Variants in ADGRL3 observed in about 807,000 individuals in gnomAD.
The protein encoded by ADGRL3 is calcium-independent alpha-latrotoxin receptor 3.
ADGRL3 carries 62 observed loss-of-function variants against 153.5 expected under a neutral mutation model. The observed-to-expected ratio is 0.40, with a 90% CI of 0.33 to 0.50. The LOEUF (loss-of-function observed/expected upper bound fraction) is 0.50, where lower values mean the gene tolerates loss of function less well. Ranked by LOEUF, ADGRL3 falls within the 20% of genes least tolerant of loss-of-function variation. The pLI is 0.47. For synonymous variants in ADGRL3, 710 were observed against 672.5 expected (o/e 1.06, Z -0.86); for missense variants, 1,641 against 1,859.4 (o/e 0.88, Z 2.16).
rs112560667 is a variant in ADGRL3, at chr4:61,872,655, T to TAA, written c.1481-19989_1481-19988dup. 1.8e-3 allele frequency among the ~76,000 whole-genome samples: 258 copies of TAA among 143,116 alleles called. 1 individual carries two copies. The highest frequency in any genetic ancestry group is 3.1e-3 in the South Asian group (14 of 4,500). The allele number at this position is 143,116 out of a possible 152,430, so 93.9% of individuals were successfully genotyped here. On this transcript the variant is annotated intron_variant, in intron 9 of 26. Coordinates refer to ENST00000683033, the MANE Select transcript of ADGRL3 (RefSeq NM_001387552.1). ...TTCTAGTCTCAATGTTAACCTTGTT[T>TAA]AAAAAAAAAAAAAGAAAGAAGAAAT...
At chr4:61,762,458 A>T (rs573687591) in intron 8 of ADGRL3, among the ~76,000 whole-genome samples, 1 of 152,280 alleles carries the variant, frequency 6.6e-6, no homozygotes, top group African/African-American at 2.4e-5. Flanking sequence ...GTTAGTTTTG[A>T]GGTCAAAAAG....
At chr4:61,398,972 G>A (rs1560573536) in intron 2 of ADGRL3, among the ~76,000 whole-genome samples, 2 of 151,450 alleles carry the variant, frequency 1.3e-5, no homozygotes, top group African/African-American at 2.4e-5. Flanking sequence ...CCATCATTCT[G>A]TCTAACTGCA....
intron 4 of ADGRL3, among the ~76,000 whole-genome samples, chr4:61,538,313 T>C (rs1190146125): frequency 6.6e-6 from 1 of 152,190 alleles, no homozygotes; most frequent in East Asian, 1.9e-4. Flanking sequence ...CTTGTTGTAG[T>C]GATGTGTTGG....
At chr4:61,741,913 T>C (rs1210548441) in intron 8 of ADGRL3, among the ~76,000 whole-genome samples, 2 of 152,230 alleles carry the variant, frequency 1.3e-5, no homozygotes, top group African/African-American at 4.8e-5. Flanking sequence ...ATCAAAATCA[T>C]TTATATGTGT....
At chr4:62,052,921 A>G (rs1734973545) in intron 25 of ADGRL3, among the ~76,000 whole-genome samples, 1 of 151,350 alleles carries the variant, frequency 6.6e-6, no homozygotes, top group Admixed American at 6.6e-5. Flanking sequence ...AATATTATAA[A>G]TTAAAATTTT....
At chr4:61,278,501 T>A (rs2093583627) in intron 1 of ADGRL3, among the ~76,000 whole-genome samples, 1 of 152,140 alleles carries the variant, frequency 6.6e-6, no homozygotes, top group Non-Finnish European at 1.5e-5. Flanking sequence ...TATTTCTTTT[T>A]CTTTTCTTTC....
At chr4:61,385,879 C>A (rs938761620) in intron 2 of ADGRL3, 1 of 152,050 alleles carries the variant, frequency 6.6e-6, no homozygotes. Flanking sequence ...GACACAGACT[C>A]ACATTTTCTG....
At chr4:61,370,383 G>C (rs12507054) in intron 1 of ADGRL3, among the ~76,000 whole-genome samples, 95,621 of 149,986 alleles carry the variant, frequency 0.64, 30,638 homozygotes, top group Middle Eastern at 0.79. Context: ...ATAAATTTCC[G>C]TCTACACACT....
chr4:61,821,189 C>CAAAAAAAA (rs34391051), intron 9 of ADGRL3, among the ~76,000 whole-genome samples: 1 of 107,796 alleles, frequency 9.3e-6, no homozygotes, highest in African/African-American at 3.3e-5. Context: ...TGCCAATTAC[C>CAAAAAAAA]AAAAAAAAAA....
At chr4:61,351,986 C>T (rs979001330) in intron 1 of ADGRL3, among the ~76,000 whole-genome samples, 1 of 152,054 alleles carries the variant, frequency 6.6e-6, no homozygotes, top group Non-Finnish European at 1.5e-5. Context: ...GACAGTAATT[C>T]CTCTGATGGA....
intron 2 of ADGRL3, among the ~76,000 whole-genome samples, chr4:61,495,930 A>G (rs1277753158): frequency 2.6e-5 from 4 of 152,234 alleles, no homozygotes; most frequent in African/African-American, 7.2e-5. Flanking sequence ...CTATATGCTT[A>G]CTGTTAAAAA....
intron 5 of ADGRL3, among the ~76,000 whole-genome samples, chr4:61,645,395 T>A (rs2150274852): frequency 6.6e-6 from 1 of 150,776 alleles, no homozygotes. Context: ...GGTCTTTACA[T>A]TTTGGCATGA....
chr4:61,978,448 C>T (rs1414790293), intron 17 of ADGRL3, among the ~76,000 whole-genome samples: 2 of 151,996 alleles, frequency 1.3e-5, no homozygotes, highest in East Asian at 1.9e-4. Context: ...AACCTTTTAC[C>T]CATTCATTTA....
At chr4:61,517,725 A>G (rs186546898) in intron 4 of ADGRL3, among the ~76,000 whole-genome samples, 24 of 152,308 alleles carry the variant, frequency 1.6e-4, no homozygotes, top group Admixed American at 1.3e-3. Flanking sequence ...CAGAGCTTCA[A>G]CATTATTTTG....
At chr4:61,539,446 G>A (rs1358675026) in intron 4 of ADGRL3, among the ~76,000 whole-genome samples, 1 of 152,152 alleles carries the variant, frequency 6.6e-6, no homozygotes, top group Non-Finnish European at 1.5e-5. Context: ...CTCACTGAGC[G>A]TTAGATCTTC....
chr4:61,574,877 T>A (rs1314918717), intron 4 of ADGRL3, among the ~76,000 whole-genome samples: 1 of 151,810 alleles, frequency 6.6e-6, no homozygotes, highest in African/African-American at 2.4e-5. Flanking sequence ...CTAATTTATA[T>A]GAGAAAATTT....
intron 8 of ADGRL3, among the ~76,000 whole-genome samples, chr4:61,766,878 G>C (rs2096989141): frequency 6.6e-6 from 1 of 152,092 alleles, no homozygotes; most frequent in Non-Finnish European, 1.5e-5. Flanking sequence ...AAAACAATTT[G>C]GTTGATGAGG....
At chr4:61,695,323 T>C (rs1404632159) in intron 6 of ADGRL3, among the ~76,000 whole-genome samples, 1 of 152,220 alleles carries the variant, frequency 6.6e-6, no homozygotes, top group Non-Finnish European at 1.5e-5. Context: ...ATGAATATTG[T>C]GTTAGCAGGC....
At chr4:61,869,593 A>C (rs1371907933) in intron 9 of ADGRL3, among the ~76,000 whole-genome samples, 2 of 151,838 alleles carry the variant, frequency 1.3e-5, no homozygotes, top group East Asian at 2.0e-4. Context: ...CGACAGAGCG[A>C]GACTCCGTCT....
Sources: allele counts gnomAD v4.1 joint callset (sites outside exome capture counted in the v4.1 genomes callset), GRCh38; gene constraint gnomAD v4.1.1; transcripts MANE v1.5; gene names NCBI Gene and HGNC (gene_info 2026-07-23, HGNC 2026-07-21).